NRXN2: variants seen among roughly 807,000 people sequenced by gnomAD.
The protein encoded by NRXN2 is neurexin-2-beta.
A neutral mutation model predicts 128.8 loss-of-function variants in NRXN2; 29 were observed. The ratio of observed to expected loss-of-function variants is 0.23; its 90% CI spans 0.17 to 0.31. The LOEUF (loss-of-function observed/expected upper bound fraction) is 0.31, where lower values mean the gene tolerates loss of function less well. Among genes scored for constraint, NRXN2 ranks in the 10% least tolerant of loss-of-function variants. The pLI, the probability that NRXN2 is intolerant of heterozygous loss-of-function variation, is 1.00. For synonymous variants in NRXN2, 1,098 were observed against 1,075.2 expected (o/e 1.02, Z -0.41); for missense variants, 1,881 against 2,452.6 (o/e 0.77, Z 4.92).
intron 22 of NRXN2, among the ~76,000 whole-genome samples, chr11:64,610,808 G>A (rs978826031): frequency 1.3e-5 from 2 of 152,188 alleles, no homozygotes; most frequent in East Asian, 1.9e-4. Context: ...TCGAGCGGTC[G>A]TAACCTGGGC....
intron 11 of NRXN2, among the ~76,000 whole-genome samples, chr11:64,656,544 G>A (rs1013853444): frequency 6.6e-6 from 1 of 152,120 alleles, no homozygotes; most frequent in African/African-American, 2.4e-5. Context: ...ATGGGGTGGG[G>A]AGGGATGCTG....
In NRXN2 at chr11:64,686,886, G is replaced by A. The variant is rs144681576; in HGVS notation, c.851-939C>T. Among the ~76,000 whole-genome samples the A allele has an allele frequency of 7.9e-5, 12 of 152,338 alleles. No homozygotes were observed. In the East Asian group the frequency reaches 2.3e-3, roughly 29 times the overall value. On this transcript the variant is annotated intron_variant, in intron 5 of 22. Transcript: ENST00000265459. ...AACTACTGGGAGAGGCTGAGGGATT[G>A]TCAGCATTCTGTAAGTTGGTAACAA...
intron 2 of NRXN2, among the ~76,000 whole-genome samples, chr11:64,707,721 G>A (rs939505034): frequency 3.3e-5 from 5 of 152,212 alleles, no homozygotes; most frequent in African/African-American, 7.2e-5. Context: ...TAAGTATAAA[G>A]TCACTGCCTG....
At chr11:64,710,877 C>T (rs950901915) in intron 2 of NRXN2, among the ~76,000 whole-genome samples, 1 of 152,046 alleles carries the variant, frequency 6.6e-6, no homozygotes, top group African/African-American at 2.4e-5. Flanking sequence ...GACTCGCGGG[C>T]CTCTACACGC....
chr11:64,630,568 C>T lies in NRXN2; in HGVS notation c.3591G>A (p.Gln1197=), dbSNP rs769194119. The stretch of plus-strand genomic sequence containing the variant: ...CGTTAAAGATCACCCCCACGGTGCC[C>T]TGGTCCTGGGGACATGGAGGTGGAG... The part of the protein sequence containing the change: ...LGDYLQLHID[Q]GTVGVIFNVG... Residue 1197 remains glutamine, a synonymous_variant, in exon 19 of 23, where the codon CAG becomes CAA. Coordinates refer to ENST00000265459, the MANE Select transcript of NRXN2 (RefSeq NM_015080.4). This position sits in a 1 kb window ranked among gnomAD's most constrained non-coding sequence, Gnocchi z 4.6. 6.2e-7 allele frequency: 1 copy of T among 1,613,876 alleles called. No individual in the cohort carries two copies. Among genetic ancestry groups the T allele is most frequent in the Non-Finnish European group, 8.5e-7 (1 of 1,180,006 alleles).
chr11:64,688,452 G>C (rs1565415049), intron 5 of NRXN2: 1 of 985,468 alleles, frequency 1.0e-6, no homozygotes, highest in Admixed American at 6.1e-5. Context: ...AGTAGGGGAG[G>C]TCGGAGCATG....
intron 22 of NRXN2, among the ~76,000 whole-genome samples, chr11:64,610,557 G>A (rs564586067): frequency 2.6e-4 from 39 of 152,288 alleles, no homozygotes; most frequent in African/African-American, 8.9e-4. Flanking sequence ...CTGAGTTCCT[G>A]TGTGACTGTG....
rs755055955 is a variant in NRXN2, at chr11:64,635,382, G to A, written c.3474C>T (p.Pro1158=). 3 of 1,613,834 alleles carry A rather than the reference G, an allele frequency of 1.9e-6. No homozygotes were observed. Among genetic ancestry groups the A allele is most frequent in the South Asian group, 1.1e-5 (1 of 91,092 alleles). ...CGGCCAGGCGATCCATCCTCGTGCT[G>A]GGCCTGTCATTGGGGGGCCACGTGT... ...ITYTWPPNDR[P]STRMDRLAVG... Residue 1158 remains proline, a synonymous_variant, in exon 18 of 23, where the codon CCC becomes CCT. Coordinates refer to ENST00000265459, the MANE Select transcript of NRXN2 (RefSeq NM_015080.4). This position sits in a 1 kb window ranked among gnomAD's most constrained non-coding sequence, Gnocchi z 4.8.
At chr11:64,693,101 G>C (rs1278883357) in intron 3 of NRXN2, among the ~76,000 whole-genome samples, 1 of 151,614 alleles carries the variant, frequency 6.6e-6, no homozygotes, top group Non-Finnish European at 1.5e-5. Context: ...GAAACAGCGG[G>C]TGGAGGGCAC....
intron 4 of NRXN2, among the ~76,000 whole-genome samples, chr11:64,690,903 C>T (rs1457334357): frequency 6.6e-6 from 1 of 152,158 alleles, no homozygotes; most frequent in Non-Finnish European, 1.5e-5. Flanking sequence ...CACCTTTGCT[C>T]ACACCCTTTA....
chr11:64,616,268 A>G (rs947866300), intron 22 of NRXN2, among the ~76,000 whole-genome samples: 7 of 152,138 alleles, frequency 4.6e-5, no homozygotes, highest in Admixed American at 1.3e-4. Context: ...GCAGATATGT[A>G]TGTGTGCATT....
chr11:64,650,285 T>C (rs557740258), intron 15 of NRXN2, among the ~76,000 whole-genome samples, 163 bp downstream of exon 15: 4 of 151,976 alleles, frequency 2.6e-5, no homozygotes, highest in African/African-American at 7.2e-5. Context: ...AAGCAGAACT[T>C]GGACAGGAAG....
intron 17 of NRXN2, among the ~76,000 whole-genome samples, chr11:64,641,371 G>A (rs2045640237): frequency 6.6e-6 from 1 of 152,106 alleles, no homozygotes; most frequent in African/African-American, 2.4e-5. Flanking sequence ...GACTAAAATG[G>A]GAGGTGAGGA....
chr11:64,680,636 G>A (rs1377009998), intron 6 of NRXN2, among the ~76,000 whole-genome samples: 1 of 152,144 alleles, frequency 6.6e-6, no homozygotes, highest in African/African-American at 2.4e-5. Flanking sequence ...CCACCTCACA[G>A]AGTTGTCATA....
chr11:64,663,353 C>T (rs568888957), intron 9 of NRXN2, among the ~76,000 whole-genome samples: 8 of 148,776 alleles, frequency 5.4e-5, no homozygotes, highest in South Asian at 2.1e-4. Flanking sequence ...GCAGCCTGGG[C>T]GACAAGAGCA....
At chr11:64,683,266 A>T (rs1169843157) in intron 6 of NRXN2, among the ~76,000 whole-genome samples, 2 of 152,154 alleles carry the variant, frequency 1.3e-5, no homozygotes, top group African/African-American at 2.4e-5. Flanking sequence ...TCCACCCATC[A>T]TCACCCTTTT....
intron 22 of NRXN2, 131 bp from the exon 23 acceptor site, chr11:64,608,213 C>T (rs1197479837): frequency 2.8e-6 from 2 of 726,576 alleles, no homozygotes; most frequent in Non-Finnish European, 4.6e-6. Context: ...GAGACTAGAG[C>T]GGGCTGGGCC....
At chr11:64,722,260 C>T (rs979641242) in intron 1 of NRXN2, among the ~76,000 whole-genome samples, 4 of 150,614 alleles carry the variant, frequency 2.7e-5, no homozygotes, top group African/African-American at 9.8e-5. Context: ...GCAAAGCCCC[C>T]TCCTACTGAT....
Position 64,630,254 on chromosome 11 carries a change from G to C in NRXN2, c.3757+148C>G. 1.3e-6 allele frequency: 1 copy of C among 744,078 alleles called. No homozygotes were observed. The highest frequency in any genetic ancestry group is 4.0e-4 in the Middle Eastern group (1 of 2,500). 46.1% of individuals were successfully genotyped at this position (744,078 alleles called of 1,614,324 possible). On this transcript the variant is annotated intron_variant, in intron 19 of 22. Transcript: ENST00000265459. This position sits in a 1 kb window ranked among gnomAD's most constrained non-coding sequence, Gnocchi z 4.6. ...CACGCCCCTGCCCTAGTCCCGCCTCGCAAGCTTCGTCTCTCCAGTAGCCCC... is the reference window on the plus strand; with the variant it reads ...CACGCCCCTGCCCTAGTCCCGCCTCCCAAGCTTCGTCTCTCCAGTAGCCCC...
Sources: allele counts gnomAD v4.1 joint callset (sites outside exome capture counted in the v4.1 genomes callset), GRCh38; gene constraint gnomAD v4.1.1; non-coding constraint Gnocchi (gnomAD v3.1); transcripts MANE v1.5; gene names NCBI Gene and HGNC (gene_info 2026-07-23, HGNC 2026-07-21).